The following ZNF385D variants were observed in gnomAD, a reference collection of about 807,000 sequenced individuals.
ZNF385D encodes zinc finger protein 659.
In ZNF385D, 15 loss-of-function variants were observed where a neutral mutation model predicts 35.8. That is an observed-to-expected ratio of 0.42 (90% CI 0.28 to 0.64). ZNF385D has a LOEUF of 0.64. ZNF385D is among the 30% of genes least tolerant of loss of function. ZNF385D has a pLI of 0.23. For missense variants in ZNF385D, 474 were observed against 494.6 expected (o/e 0.96, Z 0.39); for synonymous variants, 212 against 186.8 (o/e 1.13, Z -1.10).
rs191584720 is a variant in ZNF385D, at chr3:22,296,058, G to A, written c.106+76392C>T. On this transcript the variant is annotated intron_variant, in intron 2 of 5. Coordinates refer to the ZNF385D transcript ENST00000494108. ...CAGGGAAAAAGTACAAGTGGAGGCC[G>A]CATACCATCTATCTAAATATCCAAA... is the stretch of plus-strand genomic sequence containing the variant. Among the ~76,000 whole-genome samples, 257 of 152,156 alleles carry A rather than the reference G, an allele frequency of 1.7e-3. 2 individuals are homozygous for A. Among genetic ancestry groups the A allele is most frequent in the Admixed American group, 0.01 (154 of 15,274 alleles).
chr3:22,237,839 T>TTTACAATTTGTG (rs1339447376), intron 2 of ZNF385D, among the ~76,000 whole-genome samples: 3 of 151,322 alleles, frequency 2.0e-5, no homozygotes, highest in Admixed American at 1.3e-4. Context: ...AGGTGGGGTT[T>TTTACAATTTGTG]CACCACATTC....
At chr3:21,828,147 C>T (rs763486031) in intron 3 of ZNF385D, among the ~76,000 whole-genome samples, 1 of 152,158 alleles carries the variant, frequency 6.6e-6, no homozygotes, top group Non-Finnish European at 1.5e-5. Flanking sequence ...AACAAATCCA[C>T]GCAGACTAGG....
intron 3 of ZNF385D, among the ~76,000 whole-genome samples, chr3:21,782,460 G>A (rs1329881829): frequency 1.3e-5 from 2 of 152,042 alleles, no homozygotes; most frequent in Non-Finnish European, 2.9e-5. Context: ...AGACAAATGA[G>A]CTTCTAATTC....
intron 1 of ZNF385D, among the ~76,000 whole-genome samples, chr3:21,711,279 G>C (rs1021053657): frequency 6.6e-6 from 1 of 151,834 alleles, no homozygotes; most frequent in Non-Finnish European, 1.5e-5. Flanking sequence ...CTGACCTCGT[G>C]ATCCACCCGC....
At chr3:22,132,116 A>T (rs1344702598) in intron 3 of ZNF385D, among the ~76,000 whole-genome samples, 1 of 152,150 alleles carries the variant, frequency 6.6e-6, no homozygotes, top group Non-Finnish European at 1.5e-5. Flanking sequence ...CTATGGTCTG[A>T]ATATTAGTGT....
intron 2 of ZNF385D, among the ~76,000 whole-genome samples, chr3:22,344,942 G>A (rs944708764): frequency 4.6e-5 from 7 of 152,248 alleles, no homozygotes; most frequent in Non-Finnish European, 8.8e-5. Context: ...CTATCCAAGT[G>A]AGAAGCTTGG....
chr3:22,059,208 T>C (rs1699568433), intron 3 of ZNF385D, among the ~76,000 whole-genome samples: 1 of 152,066 alleles, frequency 6.6e-6, no homozygotes. Context: ...TGAGCATTAA[T>C]TTAAAGACTT....
At chr3:21,989,220 T>A (rs1434997200) in intron 3 of ZNF385D, among the ~76,000 whole-genome samples, 4 of 152,194 alleles carry the variant, frequency 2.6e-5, no homozygotes, top group Non-Finnish European at 5.9e-5. Context: ...TCTGTAGGAA[T>A]GGTCGTGGTT....
chr3:21,794,775 T>G (rs940599856), intron 3 of ZNF385D, among the ~76,000 whole-genome samples: 27 of 151,838 alleles, frequency 1.8e-4, no homozygotes, highest in African/African-American at 6.5e-4. Context: ...GGGAAAAGAG[T>G]TTGTAAGAAA....
chr3:22,331,292 A>G (rs1471154144), intron 2 of ZNF385D, among the ~76,000 whole-genome samples: 2 of 152,192 alleles, frequency 1.3e-5, no homozygotes, highest in Non-Finnish European at 2.9e-5. Context: ...AGAACTATAC[A>G]TGAAAATTTA....
Position 22,214,184 on chromosome 3 carries a change from A to G in ZNF385D, c.107-45149T>C, listed in dbSNP as rs536757358. 1.0e-3 allele frequency among the ~76,000 whole-genome samples: 155 copies of G among 152,248 alleles called. 1 individual carries two copies. The highest frequency in any genetic ancestry group is 3.5e-3 in the African/African-American group (147 of 41,556). On this transcript the variant is annotated intron_variant, in intron 2 of 5. Coordinates refer to the ZNF385D transcript ENST00000494108. The stretch of plus-strand genomic sequence containing the variant: ...TTTATAATTTCTTATGCCTGTCTTT[A>G]CTGCAATCTCTGAACATAAATTGTG...
At chr3:21,982,989 TG>T (rs776781965) in intron 3 of ZNF385D, among the ~76,000 whole-genome samples, 58 of 152,022 alleles carry the variant, frequency 3.8e-4, no homozygotes, top group Admixed American at 1.1e-3. Context: ...GAATTTGGTT[TG>T]CGAGTATTTT....
chr3:22,015,842 C>T (rs149118422), intron 3 of ZNF385D, among the ~76,000 whole-genome samples: 102 of 152,176 alleles, frequency 6.7e-4, no homozygotes, highest in African/African-American at 2.4e-3. Flanking sequence ...TGCCAAAGTT[C>T]TAGAGGAGCA....
Position 21,750,880 on chromosome 3 carries a change from A to G in ZNF385D, c.22+15T>C. The G allele has an allele frequency of 6.2e-7, 1 of 1,614,084 alleles. No homozygotes were observed. Among genetic ancestry groups the G allele is most frequent in the South Asian group, 1.1e-5 (1 of 91,074 alleles). On this transcript the variant is annotated intron_variant, in intron 1 of 7. Transcript: ENST00000281523. ...CGGACACCCCCAGAATTACATCATCAGAGTGAACACTCACCAAAATACATT... is the reference window on the plus strand; with the variant it reads ...CGGACACCCCCAGAATTACATCATCGGAGTGAACACTCACCAAAATACATT...
intron 4 of ZNF385D, among the ~76,000 whole-genome samples, chr3:21,478,799 C>T (rs1459217379): frequency 6.6e-6 from 1 of 151,972 alleles, no homozygotes; most frequent in Non-Finnish European, 1.5e-5. Context: ...AACACCATCC[C>T]CAGTAACACA....
chr3:21,670,685 G>A (rs1327656699), intron 1 of ZNF385D, among the ~76,000 whole-genome samples: 1 of 65,566 alleles, frequency 1.5e-5, no homozygotes, highest in Admixed American at 2.4e-4. Context: ...ATGACTGAAC[G>A]AATCCCCTTT....
At chr3:21,689,309 C>T (rs967727968) in intron 1 of ZNF385D, among the ~76,000 whole-genome samples, 2 of 152,082 alleles carry the variant, frequency 1.3e-5, no homozygotes, top group African/African-American at 4.8e-5. Context: ...CACTAATACT[C>T]AGTCACTGAA....
intron 3 of ZNF385D, among the ~76,000 whole-genome samples, chr3:21,535,592 G>A (rs1258531902): frequency 6.6e-6 from 1 of 152,036 alleles, no homozygotes; most frequent in African/African-American, 2.4e-5. Flanking sequence ...AGAGGAAATT[G>A]CTCTCATGAG....
At chr3:21,742,435 T>G (rs1321629843) in intron 1 of ZNF385D, among the ~76,000 whole-genome samples, 2 of 152,232 alleles carry the variant, frequency 1.3e-5, no homozygotes, top group African/African-American at 2.4e-5. Context: ...AGGGGCAAGA[T>G]CTCTCTGCAG....
Sources: gnomAD v4.1 joint callset for allele counts (sites outside exome capture counted in the v4.1 genomes callset) on GRCh38, gnomAD v4.1.1 for gene constraint, MANE v1.5 for transcripts, NCBI Gene and HGNC (gene_info 2026-07-23, HGNC 2026-07-21) for gene names.